The following CBFA2T3 variants were observed in gnomAD, a reference collection of about 807,000 sequenced individuals.
CBFA2T3 encodes the protein transcriptional corepressor CBFA2T3.
Under a neutral mutation model 58.6 loss-of-function variants are expected in CBFA2T3, and 31 were observed. That is an observed-to-expected ratio of 0.53 (90% CI 0.40 to 0.71). The LOEUF is 0.71. Ranked by LOEUF, CBFA2T3 falls within the 30% of genes least tolerant of loss-of-function variation. The probability of loss-of-function intolerance (pLI) is 0.00; values close to 1 mark genes in which losing one functional copy is unlikely to be tolerated. For missense variants in CBFA2T3, 1,076 were observed against 963.1 expected (o/e 1.12, Z -1.55); for synonymous variants, 531 against 421.9 (o/e 1.26, Z -3.17).
intron 1 of CBFA2T3, among the ~76,000 whole-genome samples, chr16:88,903,517 G>A (rs1242934337): frequency 6.6e-6 from 1 of 152,200 alleles, no homozygotes; most frequent in Non-Finnish European, 1.5e-5. Context: ...CGCCTGTCCG[G>A]AGGCTGATGG....
Position 88,879,316 on chromosome 16 carries a change from G to A in CBFA2T3, c.1616C>T (p.Ser539Phe). ...RALAEAKRQA[S>F]EDALTVINQQ... ...GTTGATGACCGTCAGGGCGTCCTCG[G>A]AGGCCTGCCGCTTCGCCTCGGCCAG... Residue 539 changes from serine (S) to phenylalanine (F), a missense_variant, in exon 11 of 12, where the codon TCC becomes TTC. Coordinates refer to ENST00000268679, the MANE Select transcript of CBFA2T3 (RefSeq NM_005187.6). 1.2e-6 allele frequency: 2 copies of A among 1,609,842 alleles called. No homozygotes were observed. The highest frequency in any genetic ancestry group is 1.1e-5 in the South Asian group (1 of 90,994).
intron 1 of CBFA2T3, among the ~76,000 whole-genome samples, chr16:88,927,136 G>A (rs1971108383): frequency 6.6e-6 from 1 of 152,244 alleles, no homozygotes; most frequent in African/African-American, 2.4e-5. Context: ...CGGAGCAGCA[G>A]CCCCGGGCGT....
intron 1 of CBFA2T3, among the ~76,000 whole-genome samples, chr16:88,961,082 G>A (rs1410060528): frequency 1.3e-5 from 2 of 152,220 alleles, no homozygotes; most frequent in Non-Finnish European, 2.9e-5. Context: ...CTGTGGGCAG[G>A]TGGTGGATGG....
At chr16:88,903,116 C>G (rs976954032) in intron 1 of CBFA2T3, among the ~76,000 whole-genome samples, 1 of 152,138 alleles carries the variant, frequency 6.6e-6, no homozygotes, top group African/African-American at 2.4e-5. Context: ...TCCCGGGGCC[C>G]CAGCACCATC....
At chr16:88,893,072 G>A (rs1969713483) in intron 3 of CBFA2T3, among the ~76,000 whole-genome samples, 1 of 152,152 alleles carries the variant, frequency 6.6e-6, no homozygotes, top group Non-Finnish European at 1.5e-5. Context: ...AGGAGACTTG[G>A]AAAATGAGAA....
At chr16:88,937,411 C>G (rs1031453900) in intron 1 of CBFA2T3, 1 of 152,794 alleles carries the variant, frequency 6.5e-6, no homozygotes, top group Non-Finnish European at 1.5e-5. Flanking sequence ...GTTTCCACCC[C>G]TCTCCTGCCC....
At chr16:88,894,019 C>G (rs1162899402) in intron 3 of CBFA2T3, among the ~76,000 whole-genome samples, 4 of 152,134 alleles carry the variant, frequency 2.6e-5, no homozygotes, top group Admixed American at 1.3e-4. Flanking sequence ...AGGACTGAAG[C>G]CCCGCACACA....
intron 1 of CBFA2T3, chr16:88,950,423 C>T: frequency 2.3e-6 from 1 of 432,632 alleles, no homozygotes. Context: ...CCGGCACCGG[C>T]ACAGAGGGTC....
chr16:88,912,955 C>T (rs1490952156), intron 1 of CBFA2T3, among the ~76,000 whole-genome samples: 1 of 152,226 alleles, frequency 6.6e-6, no homozygotes, highest in Non-Finnish European at 1.5e-5. Context: ...CCAGGGAATG[C>T]CGGTCATGGC....
At chr16:88,968,164 G>A (rs940548256) in intron 1 of CBFA2T3, among the ~76,000 whole-genome samples, 4 of 152,336 alleles carry the variant, frequency 2.6e-5, no homozygotes, top group Non-Finnish European at 5.9e-5. Context: ...AGAGAGGCAC[G>A]CCCTGGTGAG....
At position 88,876,814 on chromosome 16, in the gene CBFA2T3, G is replaced by A. The variant is rs926455632; in HGVS notation, c.*162C>T. The A allele has an allele frequency of 1.9e-6, 1 of 540,140 alleles. No individual in the cohort carries two copies. Among genetic ancestry groups the A allele is most frequent in the Non-Finnish European group, 3.1e-6 (1 of 321,510 alleles). 33.5% of individuals were successfully genotyped at this position (540,140 alleles called of 1,614,324 possible). ...TGTTGGTTCTGTGTCTTCTTTCGGA[G>A]AGGGGCAGTAGCAGCAGTGACTAAT... On this transcript the variant is annotated 3_prime_UTR_variant, in exon 12 of 12. Coordinates refer to ENST00000268679, the MANE Select transcript of CBFA2T3 (RefSeq NM_005187.6).
In CBFA2T3 at chr16:88,949,475, C is replaced by G. The variant is rs139501165; in HGVS notation, c.151+27182G>C. Among the ~76,000 whole-genome samples the G allele has an allele frequency of 6.6e-3, 1,009 of 151,978 alleles. 20 individuals carry two copies. The highest frequency in any genetic ancestry group is 0.023 in the African/African-American group (961 of 41,408). On this transcript the variant is annotated intron_variant, in intron 1 of 11. Coordinates refer to ENST00000268679, the MANE Select transcript of CBFA2T3 (RefSeq NM_005187.6). ...TCGGGAGGCTGAAGCAGGAGAATCA[C>G]TTGAACCCGGGAGGCGGAGGTTGCA...
Position 88,895,701 on chromosome 16 carries a change from C to A in CBFA2T3, c.379+2377G>T, listed in dbSNP as rs183479741. The stretch of plus-strand genomic sequence containing the variant: ...ACTCCAGCCTGGGCCTCACAGATAC[C>A]CACTGCAGGGGCTGTGGGAGGCCAG... On this transcript the variant is annotated intron_variant, in intron 3 of 11. Coordinates refer to ENST00000268679, the MANE Select transcript of CBFA2T3 (RefSeq NM_005187.6). 7.8e-3 allele frequency among the ~76,000 whole-genome samples: 1,195 copies of A among 152,294 alleles called. 10 individuals carry two copies. The highest frequency in any genetic ancestry group is 0.013 in the Non-Finnish European group (864 of 68,014).
intron 1 of CBFA2T3, among the ~76,000 whole-genome samples, chr16:88,916,131 CG>C (rs1314357275): frequency 2.0e-5 from 3 of 149,752 alleles, no homozygotes; most frequent in Admixed American, 6.6e-5. Context: ...TGTGCACTCA[CG>C]TGTACATGTG....
At chr16:88,946,574 C>T (rs532871661) in intron 1 of CBFA2T3, among the ~76,000 whole-genome samples, 73 of 151,852 alleles carry the variant, frequency 4.8e-4, no homozygotes, top group Non-Finnish European at 9.6e-4. Flanking sequence ...CCTCTGCCTC[C>T]CGGGTTCAAG....
rs1968796124 is a variant in CBFA2T3 at position 88,875,529 on chromosome 16, A to G, written c.*1447T>C. 8.6e-6 allele frequency: 2 copies of G among 233,908 alleles called. No individual in the cohort carries two copies. Among genetic ancestry groups the G allele is most frequent in the Admixed American group, 5.6e-5 (1 of 17,756 alleles). 14.5% of individuals were successfully genotyped at this position (233,908 alleles called of 1,614,324 possible). A position where few individuals can be genotyped will look rare whatever the true frequency, so the allele number is the denominator to read the frequency against. On this transcript the variant is annotated 3_prime_UTR_variant, in exon 12 of 12. Coordinates refer to ENST00000268679, the MANE Select transcript of CBFA2T3 (RefSeq NM_005187.6). ...TTTGTAGTTTTTTTGTTTTTTCTGC[A>G]AAAGTTTGGAAGAAAGGGGAGTAGC...
In CBFA2T3 at chr16:88,976,650, C is replaced by T; in HGVS notation, c.151+7G>A. The T allele has an allele frequency of 6.4e-7, 1 of 1,554,736 alleles. No individual in the cohort carries two copies. Among genetic ancestry groups the T allele is most frequent in the Non-Finnish European group, 8.7e-7 (1 of 1,148,184 alleles). ...CCACCCCACCACCTTCCCCTCGAGCCTCTTACCTGGGCCGCCCTTCCTGGG... is the reference window on the plus strand; with the variant it reads ...CCACCCCACCACCTTCCCCTCGAGCTTCTTACCTGGGCCGCCCTTCCTGGG... On this transcript the variant is annotated splice_region_variant and intron_variant, in intron 1 of 11. Transcript: ENST00000268679.
Position 88,875,652 on chromosome 16 carries a change from G to A in CBFA2T3, c.*1324C>T, listed in dbSNP as rs149050049. 194 of 233,806 alleles carry A rather than the reference G, an allele frequency of 8.3e-4. 2 individuals carry two copies. The highest frequency in any genetic ancestry group is 3.9e-3 in the African/African-American group (179 of 45,416). The allele number at this position is 233,806 out of a possible 1,614,324, so 14.5% of individuals were successfully genotyped here. A position where few individuals can be genotyped will look rare whatever the true frequency, so the allele number is the denominator to read the frequency against. ...GGGGCCGAGAGAGGTCGGAGGGCGC[G>A]GAGAGGAGAGAGGTAGAGGAGGACG... On this transcript the variant is annotated 3_prime_UTR_variant, in exon 12 of 12. Transcript: ENST00000268679.
chr16:88,895,338 T>C (rs531755716), intron 3 of CBFA2T3, among the ~76,000 whole-genome samples: 103 of 152,152 alleles, frequency 6.8e-4, no homozygotes, highest in Admixed American at 1.2e-3. Flanking sequence ...GCTCCCACCT[T>C]CCCGACCCGT....
Sources: allele counts gnomAD v4.1 joint callset (sites outside exome capture counted in the v4.1 genomes callset), GRCh38; gene constraint gnomAD v4.1.1; transcripts MANE v1.5; gene names NCBI Gene and HGNC (gene_info 2026-07-23, HGNC 2026-07-21).